HEATR4: variants seen among roughly 807,000 people sequenced by gnomAD.
The protein encoded by HEATR4 is HEAT repeat-containing protein 4.
HEATR4 carries 95 observed loss-of-function variants against 108.8 expected under a neutral mutation model. That is an observed-to-expected ratio of 0.87 (90% CI 0.74 to 1.04). The LOEUF (loss-of-function observed/expected upper bound fraction) is 1.04. Ranked by LOEUF, HEATR4 falls within the 50% of genes least tolerant of loss-of-function variation. The pLI, the probability that HEATR4 is intolerant of heterozygous loss-of-function variation, is 0.00. For missense variants in HEATR4, 1,152 were observed against 1,253.8 expected, an observed-to-expected ratio of 0.92 and a Z score of 1.23; for synonymous variants, 443 against 459.4, an observed-to-expected ratio of 0.96 and a Z score of 0.46.
the HEATR4 span, among the ~76,000 whole-genome samples, chr14:73,588,179 T>C: frequency 6.6e-6 from 1 of 152,100 alleles, no homozygotes. Flanking sequence ...TTTTGTATCT[T>C]AGTACAGACA....
At chr14:73,600,738 A>G in the HEATR4 span, among the ~76,000 whole-genome samples, 1 of 152,058 alleles carries the variant, frequency 6.6e-6, no homozygotes, top group Non-Finnish European at 1.5e-5. Context: ...GGCATGAGCC[A>G]CCACGCCCAG....
At chr14:73,573,373 T>G in the HEATR4 span, 6 of 1,613,620 alleles carry the variant, frequency 3.7e-6, no homozygotes, top group Non-Finnish European at 5.1e-6. Flanking sequence ...GCATTTTGTT[T>G]TGTTTCTTCC....
In HEATR4 at chr14:73,498,318, G is replaced by C; in HGVS notation, c.2383C>G (p.Pro795Ala). ...RALGQIGQVSPELTDLLLWAI... is the reference protein window; with the variant it reads ...RALGQIGQVSAELTDLLLWAI... ...CAGAGCAGAAGATCCGTCAGCTCGGGACTTACTTGCCCAATCTGTCCCAAA... is the reference window on the plus strand; with the variant it reads ...CAGAGCAGAAGATCCGTCAGCTCGGCACTTACTTGCCCAATCTGTCCCAAA... The change falls in exon 14 of 18, where the codon CCC becomes GCC. Residue 795 changes from proline to alanine, a missense_variant. Pro to Ala is a conservative substitution (Grantham distance 27, BLOSUM62 -1). Coordinates refer to ENST00000553558, the MANE Select transcript of HEATR4 (RefSeq NM_001220484.1). The C allele has an allele frequency of 6.2e-7, 1 of 1,608,614 alleles. No individual in the cohort carries two copies. Among genetic ancestry groups the C allele is most frequent in the Non-Finnish European group, 8.5e-7 (1 of 1,176,350 alleles).
Position 73,535,485 on chromosome 14 carries a change from T to C in HEATR4, c.-151-5241A>G, listed in dbSNP as rs1202958652. ...TTCTTCTTTCTTTTTTTTTTTTTTT[T>C]TTTTTTTTTTTTTTTTTTTTTTGCC... On this transcript the variant is annotated intron_variant, in intron 1 of 17. Coordinates refer to ENST00000553558, the MANE Select transcript of HEATR4 (RefSeq NM_001220484.1). Among the ~76,000 whole-genome samples, 178 of 49,104 alleles carry C rather than the reference T, an allele frequency of 3.6e-3. 22 individuals carry two copies. The highest frequency in any genetic ancestry group is 0.019 in the African/African-American group (155 of 8,234). 32.2% of individuals were successfully genotyped at this position (49,104 alleles called of 152,430 possible).
intron 5 of HEATR4, 62 bp from the exon 6 acceptor site, chr14:73,514,296 G>C (rs923687302): frequency 1.4e-6 from 2 of 1,461,932 alleles, no homozygotes; most frequent in Middle Eastern, 2.1e-4. Context: ...CCACACAGTG[G>C]CCCCAGCTTG....
chr14:73,622,241 G>A, the HEATR4 span, among the ~76,000 whole-genome samples: 1 of 152,062 alleles, frequency 6.6e-6, no homozygotes, highest in South Asian at 2.1e-4. Context: ...AAGTCATGCA[G>A]GAGAATGATG....
the HEATR4 span, among the ~76,000 whole-genome samples, chr14:73,627,970 G>A: frequency 6.6e-6 from 1 of 152,254 alleles, no homozygotes; most frequent in East Asian, 1.9e-4. Context: ...CACCAAGCCT[G>A]GCTAATTTTT....
the HEATR4 span, among the ~76,000 whole-genome samples, chr14:73,566,875 C>T: frequency 2.0e-5 from 3 of 152,292 alleles, no homozygotes; most frequent in Admixed American, 6.5e-5. Flanking sequence ...CACGCTGTCA[C>T]CTCTCACAAG....
At chr14:73,588,895 G>A in the HEATR4 span, among the ~76,000 whole-genome samples, 2 of 152,030 alleles carry the variant, frequency 1.3e-5, no homozygotes, top group Non-Finnish European at 2.9e-5. Context: ...GAGCTATCTG[G>A]GTTGTTTACT....
Position 73,514,213 on chromosome 14 carries a change from G to T in HEATR4, c.1232C>A (p.Ala411Asp). 6.2e-7 allele frequency: 1 copy of T among 1,614,136 alleles called. No homozygotes were observed. The highest frequency in any genetic ancestry group is 8.5e-7 in the Non-Finnish European group (1 of 1,180,024). Residue 411 changes from alanine to aspartate, a missense_variant, in exon 6 of 18, where the codon GCC (alanine) becomes GAC (aspartate). Coordinates refer to ENST00000553558, the MANE Select transcript of HEATR4 (RefSeq NM_001220484.1). Reference protein sequence around the residue: ...PEASYRPVQGALRWTALPTPA... With the variant: ...PEASYRPVQGDLRWTALPTPA... ...GGTGGGCAAAGCAGTCCAGCGCAGG[G>T]CTCCTTGCACAGGTCTGTAAGCTGT...
At position 73,541,668 on chromosome 14, in the gene HEATR4, T is replaced by C. The variant is rs371750964; in HGVS notation, c.-151-11424A>G. 2.6e-4 allele frequency: 327 copies of C among 1,243,016 alleles called. 94 individuals are homozygous for C. The South Asian group carries it at 2.8e-3, about 11-fold the overall frequency. The allele number at this position is 1,243,016 out of a possible 1,614,324, so 77.0% of individuals were successfully genotyped here. ...TCCATCTGGAGTACTTTGAAGAAGC[T>C]GTGAACTACTTGCTCAGTCATCCTG... On this transcript the variant is annotated intron_variant, in intron 1 of 17. Coordinates refer to ENST00000553558, the MANE Select transcript of HEATR4 (RefSeq NM_001220484.1).
At chr14:73,549,291 A>C (rs192105980) in intron 1 of HEATR4, among the ~76,000 whole-genome samples, 1 of 114,230 alleles carries the variant, frequency 8.8e-6, no homozygotes, top group African/African-American at 2.8e-5. Flanking sequence ...TGTGTATCTC[A>C]GGGGCGTCAG....
At chr14:73,591,844 A>T in the HEATR4 span, 1 of 1,061,320 alleles carries the variant, frequency 9.4e-7, no homozygotes. Context: ...CTGCTCAGCC[A>T]CCGGCAGCTT....
the HEATR4 span, chr14:73,569,972 C>G: frequency 1.4e-6 from 2 of 1,464,502 alleles, no homozygotes; most frequent in Non-Finnish European, 1.8e-6. Context: ...ATGTGTATGC[C>G]CCCCCGCCGC....
chr14:73,479,278 G>A (rs1380042426), intron 17 of HEATR4, among the ~76,000 whole-genome samples: 1 of 150,936 alleles, frequency 6.6e-6, no homozygotes, highest in African/African-American at 2.4e-5. Context: ...ACCACGCCCA[G>A]CTAATTTTTT....
chr14:73,502,391 C>T (rs1886526485), intron 11 of HEATR4, among the ~76,000 whole-genome samples: 1 of 152,120 alleles, frequency 6.6e-6, no homozygotes, highest in Non-Finnish European at 1.5e-5. Context: ...CACCCTCCAG[C>T]ACCGAAACCA....
intron 11 of HEATR4, among the ~76,000 whole-genome samples, chr14:73,501,360 C>T (rs550338874): frequency 1.3e-5 from 2 of 152,008 alleles, no homozygotes; most frequent in South Asian, 2.1e-4. Context: ...CTCCTGACCT[C>T]GTGATCTGCC....
chr14:73,496,490 A>G, intron 15 of HEATR4, 111 bp downstream of exon 15: 1 of 671,892 alleles, frequency 1.5e-6, no homozygotes, highest in East Asian at 2.6e-5. Flanking sequence ...GGTTTTAGAA[A>G]GTACTTCTAT....
intron 6 of HEATR4, among the ~76,000 whole-genome samples, chr14:73,512,690 GTTCT>G (rs1368078074): frequency 6.6e-6 from 1 of 152,152 alleles, no homozygotes; most frequent in Admixed American, 6.5e-5. Flanking sequence ...TTTTCATTAG[GTTCT>G]TTGTCTTTGA....
Sources: allele counts gnomAD v4.1 joint callset (sites outside exome capture counted in the v4.1 genomes callset), GRCh38; gene constraint gnomAD v4.1.1; transcripts MANE v1.5; gene names NCBI Gene and HGNC (gene_info 2026-07-23, HGNC 2026-07-21).